POTEJ: variants seen among roughly 807,000 people sequenced by gnomAD.
The protein encoded by POTEJ is POTE ankyrin domain family member J.
In POTEJ, 11 loss-of-function variants were observed where a neutral mutation model predicts 69.0. That is an observed-to-expected ratio of 0.16 (90% CI 0.10 to 0.26). The LOEUF (loss-of-function observed/expected upper bound fraction) is 0.26. POTEJ is among the 10% of genes least tolerant of loss of function. The pLI, the probability that POTEJ is intolerant of heterozygous loss-of-function variation, is 1.00. For missense variants in POTEJ, 327 were observed against 1,045.5 expected (o/e 0.31, Z 9.48); for synonymous variants, 117 against 381.1 (o/e 0.31, Z 8.07).
At chr2:130,625,405 T>C (rs1430648355) in intron 6 of POTEJ, among the ~76,000 whole-genome samples, 3 of 151,720 alleles carry the variant, frequency 2.0e-5, no homozygotes, top group Admixed American at 2.0e-4. Flanking sequence ...TTTCATTATT[T>C]TACTACTTTA....
chr2:130,644,365 G>T (rs1686506529), intron 11 of POTEJ, among the ~76,000 whole-genome samples: 1 of 150,174 alleles, frequency 6.7e-6, no homozygotes, highest in African/African-American at 2.4e-5. Flanking sequence ...AGCTACTCGG[G>T]AGGCTGAGGC....
chr2:130,631,117 G>A (rs1451032956), intron 7 of POTEJ, among the ~76,000 whole-genome samples: 11 of 146,690 alleles, frequency 7.5e-5, no homozygotes, highest in African/African-American at 1.6e-4. Context: ...TGGTGACCAA[G>A]TTAAGTTTGC....
Position 130,615,614 on chromosome 2 carries a change from G to T in POTEJ, c.411-1176G>T, listed in dbSNP as rs1398607161. Among the ~76,000 whole-genome samples, 7 of 141,190 alleles carry T rather than the reference G, an allele frequency of 5.0e-5. No individual in the cohort carries two copies. The South Asian group carries it at 6.4e-4, about 13-fold the overall frequency. 92.6% of individuals were successfully genotyped at this position (141,190 alleles called of 152,430 possible). On this transcript the variant is annotated intron_variant, in intron 1 of 14. Coordinates refer to ENST00000409602, the MANE Select transcript of POTEJ (RefSeq NM_001277083.2). Reference sequence around the variant, plus strand: ...CACTGGGGCCTATCAGAGGGTGGAGGGTGGGAAGAGGGAAAGAAGCAGGAA... The same window carrying T: ...CACTGGGGCCTATCAGAGGGTGGAGTGTGGGAAGAGGGAAAGAAGCAGGAA...
At chr2:130,634,362 G>T (rs200756390) in intron 9 of POTEJ, among the ~76,000 whole-genome samples, 5,071 of 137,726 alleles carry the variant, frequency 0.037, 17 homozygotes, top group East Asian at 0.11. Flanking sequence ...TAAGATTATT[G>T]TCTGCATTTC....
At chr2:130,615,787 A>C (rs1163269362) in intron 1 of POTEJ, among the ~76,000 whole-genome samples, 1 of 148,796 alleles carries the variant, frequency 6.7e-6, no homozygotes, top group East Asian at 1.9e-4. Flanking sequence ...CTCCACAAAT[A>C]GTTTCATAAA....
chr2:130,634,159 T>C (rs1373253986), intron 9 of POTEJ, among the ~76,000 whole-genome samples: 6 of 152,248 alleles, frequency 3.9e-5, no homozygotes, highest in Non-Finnish European at 8.8e-5. Context: ...GTGGGCTGGA[T>C]TTGGCCCAAG....
chr2:130,629,027 AAAAG>A (rs1360085275), intron 6 of POTEJ, among the ~76,000 whole-genome samples: 10 of 152,140 alleles, frequency 6.6e-5, no homozygotes, highest in African/African-American at 1.9e-4. Context: ...TCAAAAAAAA[AAAAG>A]AAAGAAAAAT....
intron 6 of POTEJ, among the ~76,000 whole-genome samples, chr2:130,624,831 G>T (rs1267019728): frequency 6.6e-6 from 1 of 152,106 alleles, no homozygotes; most frequent in South Asian, 2.1e-4. Flanking sequence ...CTCATTTGAA[G>T]TTGGAAAGAG....
intron 3 of POTEJ, among the ~76,000 whole-genome samples, chr2:130,619,690 TAGAGACA>T (rs1212054217): frequency 8.3e-5 from 12 of 144,274 alleles, no homozygotes; most frequent in African/African-American, 2.9e-4. Flanking sequence ...GTTGAGGATA[TAGAGACA>T]AAAGATACAG....
At chr2:130,623,020 G>T in intron 5 of POTEJ, 1 of 144,380 alleles carries the variant, frequency 6.9e-6, no homozygotes, top group Non-Finnish European at 1.5e-5. Flanking sequence ...CAAAATGGGT[G>T]CCACCCAAAT....
At chr2:130,637,619 G>A (rs1489846724) in intron 9 of POTEJ, among the ~76,000 whole-genome samples, 1 of 152,244 alleles carries the variant, frequency 6.6e-6, no homozygotes, top group African/African-American at 2.4e-5. Context: ...CATGTAAGGT[G>A]GTCTGTGAGA....
At chr2:130,624,029 A>C in intron 5 of POTEJ, 35 bp from the exon 6 acceptor site, 2 of 1,477,406 alleles carry the variant, frequency 1.4e-6, no homozygotes, top group South Asian at 2.4e-5. Context: ...TCAGTATTAA[A>C]ATAGTAATTT....
intron 6 of POTEJ, among the ~76,000 whole-genome samples, chr2:130,626,601 A>G (rs1463125964): frequency 4.6e-5 from 7 of 152,124 alleles, no homozygotes; most frequent in African/African-American, 1.7e-4. Context: ...TTACAAAACC[A>G]TAAGGCAGAT....
intron 3 of POTEJ, among the ~76,000 whole-genome samples, chr2:130,618,610 A>G (rs1253596443): frequency 2.0e-5 from 3 of 146,788 alleles, no homozygotes; most frequent in African/African-American, 8.1e-5. Flanking sequence ...CGACGACAAC[A>G]ACAACAATTT....
chr2:130,643,263 G>C (rs1686458748), intron 10 of POTEJ, among the ~76,000 whole-genome samples: 1 of 142,504 alleles, frequency 7.0e-6, no homozygotes, highest in Admixed American at 7.1e-5. Context: ...GCCAGGTGTG[G>C]TGGCTCACAC....
intron 6 of POTEJ, among the ~76,000 whole-genome samples, chr2:130,626,551 G>T (rs1216453797): frequency 6.6e-6 from 1 of 151,962 alleles, no homozygotes; most frequent in African/African-American, 2.4e-5. Flanking sequence ...ATGATTATAT[G>T]TAAGCAAACA....
At chr2:130,647,921 A>T (rs1686649301) in intron 13 of POTEJ, among the ~76,000 whole-genome samples, 3 of 145,684 alleles carry the variant, frequency 2.1e-5, no homozygotes, top group Non-Finnish European at 4.6e-5. Context: ...GATATATTTC[A>T]GTATTCACCT....
chr2:130,634,086 T>A (rs1686003302), intron 9 of POTEJ, among the ~76,000 whole-genome samples: 1 of 152,162 alleles, frequency 6.6e-6, no homozygotes, highest in Non-Finnish European at 1.5e-5. Context: ...TAATTGACAC[T>A]ATGGACTGTA....
At chr2:130,637,197 T>G (rs1329608234) in intron 9 of POTEJ, among the ~76,000 whole-genome samples, 7 of 151,498 alleles carry the variant, frequency 4.6e-5, no homozygotes, top group Admixed American at 2.6e-4. Flanking sequence ...ATATTAATTT[T>G]TTTATTTAGG....
Sources: gnomAD v4.1 joint callset for allele counts (sites outside exome capture counted in the v4.1 genomes callset) on GRCh38, gnomAD v4.1.1 for gene constraint, MANE v1.5 for transcripts, NCBI Gene and HGNC (gene_info 2026-07-23, HGNC 2026-07-21) for gene names.